Variants in KMT2A observed in about 807,000 individuals in gnomAD.
KMT2A encodes histone-lysine N-methyltransferase 2A.
A neutral mutation model predicts 345.3 loss-of-function variants in KMT2A; 16 were observed. The observed-to-expected ratio is 0.05, with a 90% CI of 0.03 to 0.07. The LOEUF (loss-of-function observed/expected upper bound fraction) is 0.07. KMT2A is among the 10% of genes least tolerant of loss of function. The pLI is 1.00. For missense variants in KMT2A, 3,272 were observed against 4,841.6 expected, an observed-to-expected ratio of 0.68 and a Z score of 9.62; for synonymous variants, 1,599 against 1,778.6, an observed-to-expected ratio of 0.90 and a Z score of 2.54.
intron 1 of KMT2A, among the ~76,000 whole-genome samples, chr11:118,451,898 G>A (rs1949547293): frequency 6.6e-6 from 1 of 152,132 alleles, no homozygotes; most frequent in Non-Finnish European, 1.5e-5. Flanking sequence ...GAAGGTTGAA[G>A]CTCTCAGAAC....
In KMT2A at chr11:118,498,755, C is replaced by T. The variant is rs1950450964; in HGVS notation, c.5961+227C>T. On this transcript the variant is annotated intron_variant, in intron 22 of 35. Transcript: ENST00000534358. The surrounding 1 kb of genome is among the most constrained non-coding windows in gnomAD (Gnocchi z 4.4). ...TTATCACCCTGACTCCTGTAGTTTA[C>T]ATCAGCATTCACTCTTGGTGTTGTA... Among the ~76,000 whole-genome samples, 1 of 152,154 alleles carries T rather than the reference C, an allele frequency of 6.6e-6. No individual in the cohort carries two copies. The highest frequency in any genetic ancestry group is 2.4e-5 in the African/African-American group (1 of 41,424).
In KMT2A at chr11:118,488,635, T is replaced by A. The variant is rs1162506897; in HGVS notation, c.4354T>A (p.Cys1452Ser). ...ATAGTTTGTGTATTGCCAAGTCTGT[T>A]GTGAGCCCTTCCACAAGTTTTGTTT... The part of the protein sequence containing the change: ...HVEFVYCQVC[C>S]EPFHKFCLEE... The change falls in exon 11 of 36, where the codon TGT becomes AGT. Residue 1452 changes from cysteine (C) to serine (S), a missense_variant. Coordinates refer to ENST00000534358, the MANE Select transcript of KMT2A (RefSeq NM_001197104.2). 6.2e-7 allele frequency: 1 copy of A among 1,613,766 alleles called. No homozygotes were observed. Among genetic ancestry groups the A allele is most frequent in the Non-Finnish European group, 8.5e-7 (1 of 1,179,844 alleles).
chr11:118,504,965 T>A lies in KMT2A; in HGVS notation c.9073T>A (p.Leu3025Ile), dbSNP rs1555047493. Residue 3025 changes from leucine to isoleucine, a missense_variant, in exon 27 of 36, where the codon TTA (leucine) becomes ATA (isoleucine). By Grantham distance (5) the Leu-to-Ile change is conservative (BLOSUM62 2). Transcript: ENST00000534358. This position sits in a 1 kb window ranked among gnomAD's most constrained non-coding sequence, Gnocchi z 6.4. ...GCAAGGTCATGGCAACAATCAGGATTTAACTAGGAACAGTAGCACCCCTGG... is the reference window on the plus strand; with the variant it reads ...GCAAGGTCATGGCAACAATCAGGATATAACTAGGAACAGTAGCACCCCTGG... ...VEQGHGNNQD[L>I]TRNSSTPGLQ... 6.2e-7 allele frequency: 1 copy of A among 1,614,136 alleles called. No individual in the cohort carries two copies. Among genetic ancestry groups the A allele is most frequent in the Non-Finnish European group, 8.5e-7 (1 of 1,180,014 alleles).
chr11:118,455,072 G>T (rs1394983608), intron 1 of KMT2A, among the ~76,000 whole-genome samples: 1 of 152,070 alleles, frequency 6.6e-6, no homozygotes, highest in African/African-American at 2.4e-5. Flanking sequence ...CTGTCACCCA[G>T]GTTGGAGCGC....
chr11:118,441,628 A>G (rs1555140122), intron 1 of KMT2A, among the ~76,000 whole-genome samples: 2 of 152,218 alleles, frequency 1.3e-5, no homozygotes. Context: ...CAATGTATTT[A>G]TAAATCTGAA....
At position 118,501,667 on chromosome 11, in the gene KMT2A, C is replaced by T. The variant is rs370006264; in HGVS notation, c.6320-5C>T. The stretch of plus-strand genomic sequence containing the variant: ...TTAGTTAAGAGTTTTTATTTCCTGC[C>T]ACAGAAAGTTCATCAAAAGAGAGTC... On this transcript the variant is annotated splice_polypyrimidine_tract_variant and splice_region_variant and intron_variant, in intron 25 of 35. Coordinates refer to ENST00000534358, the MANE Select transcript of KMT2A (RefSeq NM_001197104.2). The T allele has an allele frequency of 4.1e-5, 65 of 1,595,384 alleles. No individual in the cohort carries two copies. The African/African-American group carries it at 7.4e-4, about 18-fold the overall frequency.
chr11:118,511,975 A>G lies in KMT2A; in HGVS notation c.11096A>G (p.Lys3699Arg). 6.2e-7 allele frequency: 1 copy of G among 1,614,158 alleles called. No individual in the cohort carries two copies. Among genetic ancestry groups the G allele is most frequent in the Non-Finnish European group, 8.5e-7 (1 of 1,179,996 alleles). ...IEDAWKSLTD[K>R]VQEARSNARL... ...GATGCCTGGAAGTCATTGACAGATA[A>G]AGTCCAGGAAGCTCGATCAAATGCC... The change falls in exon 31 of 36, where the codon AAA becomes AGA. Residue 3699 changes from lysine to arginine, a missense_variant. Physicochemically the swap from Lys to Arg is conservative, Grantham distance 26 (BLOSUM62 2). Around this residue, in one of 27 missense-constraint regions of KMT2A, gnomAD observed 72 missense variants for 135.6 expected, o/e 0.53. Transcript: ENST00000534358.
intron 1 of KMT2A, among the ~76,000 whole-genome samples, chr11:118,443,480 TA>T (rs1445704101): frequency 6.6e-6 from 1 of 152,200 alleles, no homozygotes; most frequent in African/African-American, 2.4e-5. Flanking sequence ...TCTAAAGACT[TA>T]AGACATTTGA....
chr11:118,492,805 G>A (rs1555042919), intron 15 of KMT2A, among the ~76,000 whole-genome samples: 1 of 152,184 alleles, frequency 6.6e-6, no homozygotes, highest in East Asian at 1.9e-4. Context: ...AAAAGGAACT[G>A]AACACAATTT....
rs1336789607 is a variant in KMT2A, at chr11:118,494,005, A to G, written c.5179-283A>G. On this transcript the variant is annotated intron_variant, in intron 16 of 35. Coordinates refer to ENST00000534358, the MANE Select transcript of KMT2A (RefSeq NM_001197104.2). The surrounding 1 kb of genome is among the most constrained non-coding windows in gnomAD (Gnocchi z 5.8). ...GGATTACAGGCGTGAGCCACTGTTT[A>G]TTTATTTTAATCCAAAATAAAAACT... Among the ~76,000 whole-genome samples the G allele has an allele frequency of 6.6e-6, 1 of 152,114 alleles. No individual in the cohort carries two copies. The highest frequency in any genetic ancestry group is 2.4e-5 in the African/African-American group (1 of 41,424).
rs369299385 is a variant in KMT2A at position 118,506,156 on chromosome 11, G to A, written c.10264G>A (p.Ala3422Thr). ...LGTSQTPSTA[A>T]ITAASSICVL... ...GACATCACAGACCCCCTCTACTGCT[G>A]CAATAACAGCGGCATCTAGCATCTG... Residue 3422 changes from alanine (A) to threonine (T), a missense_variant, in exon 27 of 36, where the codon GCA becomes ACA. Transcript: ENST00000534358. 1.2e-6 allele frequency: 2 copies of A among 1,614,076 alleles called. No individual in the cohort carries two copies. The highest frequency in any genetic ancestry group is 1.3e-5 in the African/African-American group (1 of 74,922).
rs184171418 is a variant in KMT2A at position 118,520,892 on chromosome 11, C to T, written c.11513+7C>T. 265 of 1,598,984 alleles carry T rather than the reference C, an allele frequency of 1.7e-4. 4 individuals carry two copies. In the East Asian group the frequency reaches 4.6e-3, roughly 28 times the overall value. ...AGGCAGTTGGTGTCTACAGGTATGA[C>T]TAAAATTCTAGAAAGAATTACAGAA... On this transcript the variant is annotated splice_region_variant and intron_variant, in intron 34 of 35. Transcript: ENST00000534358. The surrounding 1 kb of genome is among the most constrained non-coding windows in gnomAD (Gnocchi z 4.3).
chr11:118,512,253 T>C, intron 31 of KMT2A: 1 of 556,604 alleles, frequency 1.8e-6, no homozygotes, highest in South Asian at 2.5e-5. Context: ...TTCTAGAACA[T>C]TCTCATCATC....
chr11:118,494,894 G>A lies in KMT2A; in HGVS notation c.5363+127G>A, dbSNP rs148466234. On this transcript the variant is annotated intron_variant, in intron 18 of 35. Coordinates refer to ENST00000534358, the MANE Select transcript of KMT2A (RefSeq NM_001197104.2). The surrounding 1 kb of genome is among the most constrained non-coding windows in gnomAD (Gnocchi z 5.8). Reference sequence around the variant, plus strand: ...AATGAATTGGTTGAAATGCCTTTTCGGTGTGGTTTTGAGGACTACATTTAA... The same window carrying A: ...AATGAATTGGTTGAAATGCCTTTTCAGTGTGGTTTTGAGGACTACATTTAA... 2.2e-3 allele frequency: 1,579 copies of A among 725,012 alleles called. 14 individuals carry two copies. The African/African-American group carries it at 0.024, about 11-fold the overall frequency. 44.9% of individuals were successfully genotyped at this position (725,012 alleles called of 1,614,324 possible). A position where few individuals can be genotyped will look rare whatever the true frequency, so the allele number is the denominator to read the frequency against.
At position 118,484,639 on chromosome 11, in the gene KMT2A, G is replaced by C. The variant is rs1462245584; in HGVS notation, c.4219-223G>C. ...ACTGTAAGAGAAATTCAATCCCAGT[G>C]TATTTTCGCAATATATTCAATATGA... On this transcript the variant is annotated intron_variant, in intron 9 of 35. Coordinates refer to ENST00000534358, the MANE Select transcript of KMT2A (RefSeq NM_001197104.2). This position sits in a 1 kb window ranked among gnomAD's most constrained non-coding sequence, Gnocchi z 4.1. 6.6e-6 allele frequency among the ~76,000 whole-genome samples: 1 copy of C among 152,192 alleles called. No homozygotes were observed. Among genetic ancestry groups the C allele is most frequent in the Non-Finnish European group, 1.5e-5 (1 of 68,040 alleles).
rs2134259258 is a variant in KMT2A, at chr11:118,472,103, C to T, written c.944C>T (p.Pro315Leu). 1 of 1,613,898 alleles carries T rather than the reference C, an allele frequency of 6.2e-7. No individual in the cohort carries two copies. Among genetic ancestry groups the T allele is most frequent in the Non-Finnish European group, 8.5e-7 (1 of 1,179,914 alleles). ...RPPSTERIKT[P>L]SGLLINSELE... Reference sequence around the variant, plus strand: ...CCATCAACAGAAAGGATAAAGACCCCTTCGGGTCTCCTCATTAATTCTGAA... The same window carrying T: ...CCATCAACAGAAAGGATAAAGACCCTTTCGGGTCTCCTCATTAATTCTGAA... The change falls in exon 3 of 36, where the codon CCT becomes CTT. Residue 315 changes from proline to leucine, a missense_variant. Physicochemically the swap from Pro to Leu is moderately conservative, Grantham distance 98. Around this residue, in one of 27 missense-constraint regions of KMT2A, gnomAD observed 412 missense variants for 511.0 expected, o/e 0.81. Coordinates refer to ENST00000534358, the MANE Select transcript of KMT2A (RefSeq NM_001197104.2).
In KMT2A at chr11:118,472,116, C is replaced by A; in HGVS notation, c.957C>A (p.Leu319=). 2 of 1,613,954 alleles carry A rather than the reference C, an allele frequency of 1.2e-6. No individual in the cohort carries two copies. The highest frequency in any genetic ancestry group is 1.7e-6 in the Non-Finnish European group (2 of 1,179,996). Residue 319 remains leucine, a synonymous_variant, in exon 3 of 36, where the codon CTC becomes CTA. Transcript: ENST00000534358. The stretch of plus-strand genomic sequence containing the variant: ...GGATAAAGACCCCTTCGGGTCTCCT[C>A]ATTAATTCTGAACTGGAAAAGCCCC... ...TERIKTPSGL[L]INSELEKPQK... is the part of the protein sequence containing the mutation.
intron 1 of KMT2A, among the ~76,000 whole-genome samples, chr11:118,464,816 G>T (rs1336148727): frequency 6.6e-6 from 1 of 152,332 alleles, no homozygotes; most frequent in African/African-American, 2.4e-5. Flanking sequence ...AAGAGCAAAG[G>T]TCATGGCAAC....
rs782317770 is a variant in KMT2A, at chr11:118,496,309, G to A, written c.5606G>A (p.Gly1869Asp). 4 of 1,613,820 alleles carry A rather than the reference G, an allele frequency of 2.5e-6. No individual in the cohort carries two copies. Among genetic ancestry groups the A allele is most frequent in the Middle Eastern group, 1.7e-4 (1 of 6,058 alleles). ...EDSPELNPPP[G>D]IEDNRQCALC... ...AGTCCAGAGCTGAACCCACCCCCAG[G>A]CATAGAAGACAATAGACAGTGTGCG... Residue 1869 changes from glycine (G) to aspartate (D), a missense_variant, in exon 20 of 36, where the codon GGC becomes GAC. Around this residue, in one of 27 missense-constraint regions of KMT2A, gnomAD observed 235 missense variants for 503.4 expected, o/e 0.47. Transcript: ENST00000534358. This position sits in a 1 kb window ranked among gnomAD's most constrained non-coding sequence, Gnocchi z 4.7.
Sources: allele counts gnomAD v4.1 joint callset (sites outside exome capture counted in the v4.1 genomes callset), GRCh38; gene constraint gnomAD v4.1.1; regional missense constraint gnomAD v4.1.1; non-coding constraint Gnocchi (gnomAD v3.1); transcripts MANE v1.5; gene names NCBI Gene and HGNC (gene_info 2026-07-23, HGNC 2026-07-21).